Variants in TMEM132A observed in about 807,000 individuals in gnomAD.
The protein encoded by TMEM132A is GRP78-binding protein.
In TMEM132A, 48 loss-of-function variants were observed where a neutral mutation model predicts 69.9. That is an observed-to-expected ratio of 0.69 (90% CI 0.55 to 0.87). TMEM132A has a LOEUF of 0.87. TMEM132A is among the 40% of genes least tolerant of loss of function. TMEM132A has a pLI of 0.00. For missense variants in TMEM132A, 1,287 were observed against 1,407.2 expected (o/e 0.91, Z 1.37); for synonymous variants, 577 against 613.7 (o/e 0.94, Z 0.88).
chr11:60,931,765 C>T lies in TMEM132A; in HGVS notation c.1093C>T (p.Arg365Cys), dbSNP rs773336173. Reference sequence around the variant, plus strand: ...CACTGGTGGGGGCGTAGCGGTCACTCGCCCCGTCACGTGGCAGCTGGAGTA... The same window carrying T: ...CACTGGTGGGGGCGTAGCGGTCACTTGCCCCGTCACGTGGCAGCTGGAGTA... ...NSTGGGVAVT[R>C]PVTWQLEYPG... is the part of the protein sequence containing the mutation. The change falls in exon 6 of 11, where the codon CGC (arginine) becomes TGC (cysteine). Residue 365 changes from arginine (R) to cysteine (C), a missense_variant. Arg to Cys is a radical substitution (Grantham distance 180, BLOSUM62 -3). Coordinates refer to ENST00000453848, the MANE Select transcript of TMEM132A (RefSeq NM_178031.3). The T allele has an allele frequency of 1.2e-5, 20 of 1,614,094 alleles. No individual in the cohort carries two copies. Among genetic ancestry groups the T allele is most frequent in the African/African-American group, 4.0e-5 (3 of 74,930 alleles).
rs571711270 is a variant in TMEM132A at position 60,930,586 on chromosome 11, C to T, written c.943C>T (p.Arg315Cys). 1.5e-5 allele frequency: 24 copies of T among 1,613,578 alleles called. No homozygotes were observed. The highest frequency in any genetic ancestry group is 5.0e-5 in the Admixed American group (3 of 59,968). ...CACACTCTGGACTGCCAAGCTGGACCGCTTCAAGGGCTCCAGGCACCACAC... is the reference window on the plus strand; with the variant it reads ...CACACTCTGGACTGCCAAGCTGGACTGCTTCAAGGGCTCCAGGCACCACAC... ...QPTLWTAKLD[R>C]FKGSRHHTTL... The change falls in exon 5 of 11, where the codon CGC becomes TGC. Residue 315 changes from arginine (R) to cysteine (C), a missense_variant. Physicochemically the swap from Arg to Cys is radical, Grantham distance 180. Coordinates refer to ENST00000453848, the MANE Select transcript of TMEM132A (RefSeq NM_178031.3).
chr11:60,928,957 T>C lies in TMEM132A; in HGVS notation c.863T>C (p.Leu288Pro), dbSNP rs1464037495. 1 of 1,612,086 alleles carries C rather than the reference T, an allele frequency of 6.2e-7. No individual in the cohort carries two copies. Among genetic ancestry groups the C allele is most frequent in the East Asian group, 2.2e-5 (1 of 44,888 alleles). The change falls in exon 4 of 11, where the codon CTG becomes CCG. Residue 288 changes from leucine to proline, a missense_variant. Transcript: ENST00000453848. ...AACTTCACAGCCAGCCTCCTGACCCTGCGGTGAGCACCAGGCCACGGGGAT... is the reference window on the plus strand; with the variant it reads ...AACTTCACAGCCAGCCTCCTGACCCCGCGGTGAGCACCAGGCCACGGGGAT... Reference protein sequence around the residue: ...RHNFTASLLTLRIKVKKGLHV... With the variant: ...RHNFTASLLTPRIKVKKGLHV...
rs936444346 is a variant in TMEM132A at position 60,934,602 on chromosome 11, G to A, written c.1674G>A (p.Pro558=). Residue 558 remains proline (P), a synonymous_variant, in exon 9 of 11, where the codon CCG becomes CCA. Coordinates refer to ENST00000453848, the MANE Select transcript of TMEM132A (RefSeq NM_178031.3). The stretch of plus-strand genomic sequence containing the variant: ...TCCTCGCCCCCTTCGCGGCCCACCC[G>A]CTGGACGGCGGCCGCCGCCTCACGC... ...VRFLAPFAAH[P]LDGGRRLTHL... The A allele has an allele frequency of 1.9e-6, 3 of 1,575,034 alleles. No homozygotes were observed. The highest frequency in any genetic ancestry group is 2.3e-5 in the East Asian group (1 of 43,678).
rs1403025712 is a variant in TMEM132A at position 60,936,308 on chromosome 11, G to A, written c.2473G>A (p.Ala825Thr). The A allele has an allele frequency of 2.5e-6, 4 of 1,613,882 alleles. No individual in the cohort carries two copies. The South Asian group carries it at 3.3e-5, about 13-fold the overall frequency. Residue 825 changes from alanine (A) to threonine (T), a missense_variant, in exon 11 of 11, where the codon GCC becomes ACC. Coordinates refer to ENST00000453848, the MANE Select transcript of TMEM132A (RefSeq NM_178031.3). ...GGAGGCCAGGAAGGAGGAGACCGAAGCCAGGGAGGAGGAGGAGGAAGAGGA... is the reference window on the plus strand; with the variant it reads ...GGAGGCCAGGAAGGAGGAGACCGAAACCAGGGAGGAGGAGGAGGAAGAGGA... ...EEEARKEETEAREEEEEEEEE... is the reference protein window; with the variant it reads ...EEEARKEETETREEEEEEEEE...
In TMEM132A at chr11:60,931,802, C is replaced by T. The variant is rs868024774; in HGVS notation, c.1130C>T (p.Ala377Val). Residue 377 changes from alanine (A) to valine (V), a missense_variant, in exon 6 of 11, where the codon GCC becomes GTC. Physicochemically the swap from Ala to Val is moderately conservative, Grantham distance 64. Transcript: ENST00000453848. ...VTWQLEYPGQ[A>V]PEAEKDKMVW... ...TGGCAGCTGGAGTACCCAGGCCAGG[C>T]CCCTGAAGCAGAGAAGGACAAAATG... The T allele has an allele frequency of 9.9e-6, 16 of 1,614,072 alleles. 1 individual carries two copies. Among genetic ancestry groups the T allele is most frequent in the Non-Finnish European group, 1.4e-5 (16 of 1,180,044 alleles).
rs1278607014 is a variant in TMEM132A at position 60,924,493 on chromosome 11, C to G, written c.-141C>G. 2.4e-5 allele frequency: 11 copies of G among 463,902 alleles called. No individual in the cohort carries two copies. Among genetic ancestry groups the G allele is most frequent in the Admixed American group, 1.9e-4 (4 of 21,252 alleles). 28.7% of individuals were successfully genotyped at this position (463,902 alleles called of 1,614,324 possible). A position where few individuals can be genotyped will look rare whatever the true frequency, so the allele number is the denominator to read the frequency against. ...CGCTCCATTGTCTGGGAATTGCAGC[C>G]GCGGGGCGGGCGGCGGCGGCGGCGG... On this transcript the variant is annotated 5_prime_UTR_variant, in exon 1 of 11. Transcript: ENST00000453848.
intron 2 of TMEM132A, 44 bp downstream of exon 2, chr11:60,927,462 G>T (rs761475835): frequency 1.9e-6 from 3 of 1,555,304 alleles, no homozygotes; most frequent in Non-Finnish European, 8.8e-7. Context: ...CAGGACTCAG[G>T]GCCTGAGGTC....
intron 3 of TMEM132A, 116 bp downstream of exon 3, chr11:60,927,975 C>G (rs367962515): frequency 7.1e-6 from 6 of 842,560 alleles, no homozygotes; most frequent in African/African-American, 1.7e-5. Context: ...GTGGACCACC[C>G]GACTCCATTT....
In TMEM132A at chr11:60,928,856, G is replaced by C. The variant is rs761919816; in HGVS notation, c.762G>C (p.Glu254Asp). The change falls in exon 4 of 11, where the codon GAG (glutamate) becomes GAC (aspartate). Residue 254 changes from glutamate (E) to aspartate (D), a missense_variant. By Grantham distance (45) the Glu-to-Asp change is conservative. Coordinates refer to ENST00000453848, the MANE Select transcript of TMEM132A (RefSeq NM_178031.3). ...AGTACCAGGAGGTACCTCTGGACGA[G>C]GCTGTGACTCTGCGGGTGCCTGACA... ...PPQYQEVPLD[E>D]AVTLRVPDMP... 2 of 1,612,678 alleles carry C rather than the reference G, an allele frequency of 1.2e-6. No individual in the cohort carries two copies. The highest frequency in any genetic ancestry group is 1.3e-5 in the African/African-American group (1 of 74,924).
At position 60,932,008 on chromosome 11, in the gene TMEM132A, C is replaced by T; in HGVS notation, c.1237C>T (p.Pro413Ser). ...GGCTGAGGAGCTGGTGAATACAGCA[C>T]CACTGACTGGAGTGCCCCAGCATGT... is the stretch of plus-strand genomic sequence containing the variant. ...AKAEELVNTA[P>S]LTGVPQHVPV... The change falls in exon 7 of 11, where the codon CCA (proline) becomes TCA (serine). Residue 413 changes from proline (P) to serine (S), a missense_variant. By Grantham distance (74) the Pro-to-Ser change is moderately conservative. Transcript: ENST00000453848. The T allele has an allele frequency of 1.2e-6, 2 of 1,603,332 alleles. No individual in the cohort carries two copies. The highest frequency in any genetic ancestry group is 1.1e-5 in the South Asian group (1 of 89,620).
chr11:60,934,349 G>A (rs937964690), intron 8 of TMEM132A, 139 bp from the exon 9 acceptor site: 25 of 774,428 alleles, frequency 3.2e-5, no homozygotes, highest in Non-Finnish European at 4.6e-5. Context: ...CAAGAGGGGC[G>A]GATGTCTGCG....
intron 5 of TMEM132A, 109 bp downstream of exon 5, chr11:60,930,768 G>A (rs1856463969): frequency 9.1e-7 from 1 of 1,101,104 alleles, no homozygotes; most frequent in Admixed American, 3.1e-5. Flanking sequence ...CAGGTGAGCA[G>A]ACCCAAGGAC....
chr11:60,933,877 C>T (rs1246390773), intron 8 of TMEM132A, 133 bp downstream of exon 8: 1 of 820,110 alleles, frequency 1.2e-6, no homozygotes, highest in East Asian at 2.7e-5. Flanking sequence ...CTTCTGCCCA[C>T]CTCCACCCTG....
At position 60,935,002 on chromosome 11, in the gene TMEM132A, G is replaced by A. The variant is rs544687702; in HGVS notation, c.1836+238G>A. On this transcript the variant is annotated intron_variant, in intron 9 of 10. Coordinates refer to ENST00000453848, the MANE Select transcript of TMEM132A (RefSeq NM_178031.3). This position sits in a 1 kb window ranked among gnomAD's most constrained non-coding sequence, Gnocchi z 5.0. ...GGGTAGTGTGGGGACCGGGTCTTGAGGGAAAAGGGAACTGCCCCCTAGGTG... is the reference window on the plus strand; with the variant it reads ...GGGTAGTGTGGGGACCGGGTCTTGAAGGAAAAGGGAACTGCCCCCTAGGTG... Among the ~76,000 whole-genome samples the A allele has an allele frequency of 6.6e-6, 1 of 152,150 alleles. No individual in the cohort carries two copies. The highest frequency in any genetic ancestry group is 6.5e-5 in the Admixed American group (1 of 15,286).
intron 3 of TMEM132A, among the ~76,000 whole-genome samples, chr11:60,928,425 G>A (rs143492977): frequency 2.6e-5 from 4 of 152,220 alleles, no homozygotes; most frequent in Admixed American, 6.5e-5. Flanking sequence ...AGTGGTCTGC[G>A]GACATGCTCT....
At position 60,936,486 on chromosome 11, in the gene TMEM132A, C is replaced by T. The variant is rs1414997622; in HGVS notation, c.2651C>T (p.Ala884Val). The T allele has an allele frequency of 6.2e-7, 1 of 1,614,108 alleles. No individual in the cohort carries two copies. The highest frequency in any genetic ancestry group is 8.5e-7 in the Non-Finnish European group (1 of 1,180,010). ...RYQRKEPPDS[A>V]TDPTSPQPHN... Reference sequence around the variant, plus strand: ...CAGCGCAAAGAACCTCCCGACAGTGCCACTGACCCCACCTCCCCCCAGCCC... The same window carrying T: ...CAGCGCAAAGAACCTCCCGACAGTGTCACTGACCCCACCTCCCCCCAGCCC... Residue 884 changes from alanine (A) to valine (V), a missense_variant, in exon 11 of 11, where the codon GCC (alanine) becomes GTC (valine). Ala to Val is a moderately conservative substitution (Grantham distance 64, BLOSUM62 0). Coordinates refer to ENST00000453848, the MANE Select transcript of TMEM132A (RefSeq NM_178031.3).
chr11:60,928,441 C>A (rs73493059), intron 3 of TMEM132A, among the ~76,000 whole-genome samples, 188 bp from the exon 4 acceptor site: 5,592 of 152,262 alleles, frequency 0.037, 317 homozygotes, highest in African/African-American at 0.13. Context: ...GCTCTGAAAC[C>A]TAGACCTGGT....
rs753799973 is a variant in TMEM132A at position 60,935,431 on chromosome 11, C to T, written c.2016C>T (p.Pro672=). The change falls in exon 10 of 11, where the codon CCC becomes CCT. Residue 672 remains proline (P), a synonymous_variant. Coordinates refer to ENST00000453848, the MANE Select transcript of TMEM132A (RefSeq NM_178031.3). This position sits in a 1 kb window ranked among gnomAD's most constrained non-coding sequence, Gnocchi z 5.0. ...CGTGCTGGGCACAGTCAGCCCTTCC[C>T]GCCCCAAAGCAGGTGACAGTTGGGG... is the stretch of plus-strand genomic sequence containing the variant. ...TATCWAQSAL[P]APKQEVALSL... The T allele has an allele frequency of 1.1e-5, 17 of 1,604,798 alleles. No individual in the cohort carries two copies. Among genetic ancestry groups the T allele is most frequent in the Admixed American group, 6.8e-5 (4 of 58,554 alleles).
At position 60,928,757 on chromosome 11, in the gene TMEM132A, C is replaced by A. The variant is rs202064246; in HGVS notation, c.663C>A (p.Ser221=). Reference sequence around the variant, plus strand: ...CTGAGGGCCCTGGGGGCTGTGGCTCCGGCGAGGAGAACGACCCTGGGGAGC... The same window carrying A: ...CTGAGGGCCCTGGGGGCTGTGGCTCAGGCGAGGAGAACGACCCTGGGGAGC... The part of the protein sequence containing the change: ...PAAEGPGGCG[S]GEENDPGEQA... The change falls in exon 4 of 11, where the codon TCC becomes TCA. Residue 221 remains serine, a synonymous_variant. Coordinates refer to ENST00000453848, the MANE Select transcript of TMEM132A (RefSeq NM_178031.3). 37 of 1,608,658 alleles carry A rather than the reference C, an allele frequency of 2.3e-5. No individual in the cohort carries two copies. The East Asian group carries it at 5.6e-4, about 24-fold the overall frequency.
Sources: gnomAD v4.1 joint callset for allele counts (sites outside exome capture counted in the v4.1 genomes callset) on GRCh38, gnomAD v4.1.1 for gene constraint, Gnocchi (gnomAD v3.1) non-coding constraint, MANE v1.5 for transcripts, NCBI Gene and HGNC (gene_info 2026-07-23, HGNC 2026-07-21) for gene names.